PALB2: variants seen among roughly 807,000 people sequenced by gnomAD.
PALB2 encodes the protein partner and localizer of BRCA2.
In PALB2, 82 loss-of-function variants were observed where a neutral mutation model predicts 107.4. The observed-to-expected ratio is 0.76, with a 90% CI of 0.64 to 0.92. The LOEUF (loss-of-function observed/expected upper bound fraction) is 0.92. PALB2 is among the 40% of genes least tolerant of loss of function. The pLI is 0.00. For missense variants in PALB2, 1,374 were observed against 1,379.9 expected (o/e 1.00, Z 0.07); for synonymous variants, 489 against 496.8 (o/e 0.98, Z 0.21).
chr16:23,606,154 C>T (rs908017545), intron 12 of PALB2, among the ~76,000 whole-genome samples: 12 of 151,936 alleles, frequency 7.9e-5, no homozygotes, highest in African/African-American at 2.9e-4. Context: ...CTAGGGCCAA[C>T]GACTATCGTT....
intron 10 of PALB2, among the ~76,000 whole-genome samples, chr16:23,620,241 A>T (rs1362043055): frequency 6.6e-6 from 1 of 152,224 alleles, no homozygotes; most frequent in Non-Finnish European, 1.5e-5. Flanking sequence ...ATGCAGTTTA[A>T]AGGGTCAATC....
At chr16:23,640,725 G>T in intron 1 of PALB2, 1 of 266,262 alleles carries the variant, frequency 3.8e-6, no homozygotes, top group Admixed American at 4.9e-5. Flanking sequence ...TTAGGGATAC[G>T]CCCCTCCTCC....
rs1196162944 is a variant in PALB2 at position 23,638,118 on chromosome 16, T to C, written c.60A>G (p.Lys20=). 1 of 1,614,008 alleles carries C rather than the reference T, an allele frequency of 6.2e-7. No homozygotes were observed. The highest frequency in any genetic ancestry group is 1.7e-5 in the Admixed American group (1 of 60,020). Residue 20 remains lysine, a synonymous_variant, in exon 2 of 13, where the codon AAA becomes AAG. Transcript: ENST00000261584. ...SCEEKEKLKE[K]LAFLKREYSK... The stretch of plus-strand genomic sequence containing the variant: ...TGTATTCCCTTTTCAAGAATGCTAA[T>C]TTCTCCTTTAACTGGAAGAAGAAAA...
Position 23,612,776 on chromosome 16 carries a change from G to A in PALB2, c.3201+1228C>T, listed in dbSNP as rs931961953. Among the ~76,000 whole-genome samples, 5 of 150,568 alleles carry A rather than the reference G, an allele frequency of 3.3e-5. No homozygotes were observed. In the East Asian group the frequency reaches 7.9e-4, roughly 24 times the overall value. On this transcript the variant is annotated intron_variant, in intron 11 of 12. Coordinates refer to ENST00000261584, the MANE Select transcript of PALB2 (RefSeq NM_024675.4). Reference sequence around the variant, plus strand: ...TTTTTTTCTTTTTGTTTTTTGAGACGGAGTCTCGCTCTGTCGCCCAGGCTG... The same window carrying A: ...TTTTTTTCTTTTTGTTTTTTGAGACAGAGTCTCGCTCTGTCGCCCAGGCTG...
Position 23,627,645 on chromosome 16 carries a change from A to T in PALB2, c.2587-1248T>A, listed in dbSNP as rs560853421. On this transcript the variant is annotated intron_variant, in intron 6 of 12. Transcript: ENST00000261584. The stretch of plus-strand genomic sequence containing the variant: ...AAGTAGGAAGGAATGATTTACAGTT[A>T]TCCTGTTTATTATAAAAACAGAAAT... Among the ~76,000 whole-genome samples, 88 of 152,344 alleles carry T rather than the reference A, an allele frequency of 5.8e-4. 1 individual carries two copies. Among genetic ancestry groups the T allele is most frequent in the African/African-American group, 2.1e-3 (87 of 41,588 alleles).
chr16:23,624,548 T>C (rs1174737534), intron 7 of PALB2, among the ~76,000 whole-genome samples: 1 of 152,232 alleles, frequency 6.6e-6, no homozygotes, highest in African/African-American at 2.4e-5. Flanking sequence ...AGTTTCACTC[T>C]TGTTGCCCAG....
At chr16:23,614,651 T>A (rs1410637823) in intron 10 of PALB2, among the ~76,000 whole-genome samples, 1 of 142,664 alleles carries the variant, frequency 7.0e-6, no homozygotes, top group African/African-American at 2.6e-5. Context: ...CCAGCTTTTT[T>A]TTTTTTTTTT....
At chr16:23,628,099 T>G (rs1310587550) in intron 6 of PALB2, among the ~76,000 whole-genome samples, 1 of 152,132 alleles carries the variant, frequency 6.6e-6, no homozygotes, top group Non-Finnish European at 1.5e-5. Context: ...TGGCGCACAC[T>G]TGTAATCCCA....
chr16:23,622,239 A>C (rs1455691598), intron 9 of PALB2, among the ~76,000 whole-genome samples: 1 of 152,240 alleles, frequency 6.6e-6, no homozygotes, highest in African/African-American at 2.4e-5. Flanking sequence ...ATAGGCCTGC[A>C]GGTCTAGAGC....
At chr16:23,633,517 T>C (rs1463952440) in intron 4 of PALB2, among the ~76,000 whole-genome samples, 1 of 152,224 alleles carries the variant, frequency 6.6e-6, no homozygotes, top group East Asian at 1.9e-4. Flanking sequence ...GCTTAGTTCA[T>C]CAGATATGAT....
chr16:23,603,441 T>C lies in PALB2; in HGVS notation c.*18A>G. 1 of 1,597,958 alleles carries C rather than the reference T, an allele frequency of 6.3e-7. No homozygotes were observed. Among genetic ancestry groups the C allele is most frequent in the Non-Finnish European group, 8.6e-7 (1 of 1,165,468 alleles). The stretch of plus-strand genomic sequence containing the variant: ...GGCCCAATATATCCAGAAAATTGTG[T>C]TTTCACTTTACCCTAACTTATGAAT... On this transcript the variant is annotated 3_prime_UTR_variant, in exon 13 of 13. Transcript: ENST00000261584.
chr16:23,614,645 CTTTTT>C (rs1050495053), intron 10 of PALB2, among the ~76,000 whole-genome samples: 1 of 107,150 alleles, frequency 9.3e-6, no homozygotes, highest in African/African-American at 3.8e-5. Flanking sequence ...CACTTCCCAG[CTTTTT>C]TTTTTTTTTT....
rs1160398551 is a variant in PALB2 at position 23,634,855 on chromosome 16, G to C, written c.1684+7C>G. ...TCATCATCATCATCAAACACATCTTGATTTACCTTTCACTTGAATAAATAA... is the reference window on the plus strand; with the variant it reads ...TCATCATCATCATCAAACACATCTTCATTTACCTTTCACTTGAATAAATAA... On this transcript the variant is annotated splice_region_variant and intron_variant, in intron 4 of 12. Transcript: ENST00000261584. The C allele has an allele frequency of 1.2e-6, 2 of 1,610,914 alleles. No homozygotes were observed. The highest frequency in any genetic ancestry group is 2.2e-5 in the South Asian group (2 of 90,706).
rs2142440400 is a variant in PALB2 at position 23,635,985 on chromosome 16, A to T, written c.561T>A (p.Pro187=). 2 of 1,614,186 alleles carry T rather than the reference A, an allele frequency of 1.2e-6. No individual in the cohort carries two copies. Among genetic ancestry groups the T allele is most frequent in the South Asian group, 2.2e-5 (2 of 91,090 alleles). Residue 187 remains proline (P), a synonymous_variant, in exon 4 of 13, where the codon CCT becomes CCA. Coordinates refer to ENST00000261584, the MANE Select transcript of PALB2 (RefSeq NM_024675.4). ...TTATTTCAGTTACTGGTGATCTAGC[A>T]GGATTTTTGCTACTGATTTCTTCCT... ...KEQEEISSKN[P]ARSPVTEIRT...
chr16:23,633,217 T>C (rs1567219911), intron 4 of PALB2, among the ~76,000 whole-genome samples: 3 of 152,262 alleles, frequency 2.0e-5, no homozygotes, highest in Admixed American at 1.3e-4. Flanking sequence ...TTATTATTTT[T>C]GGATTAATTA....
At chr16:23,616,899 A>G (rs898333173) in intron 10 of PALB2, among the ~76,000 whole-genome samples, 2 of 149,572 alleles carry the variant, frequency 1.3e-5, no homozygotes, top group Non-Finnish European at 3.0e-5. Flanking sequence ...TGCAAGCTCC[A>G]CCTCCCGGGT....
intron 9 of PALB2, 131 bp from the exon 10 acceptor site, chr16:23,621,609 C>T: frequency 1.5e-6 from 1 of 675,370 alleles, no homozygotes; most frequent in Non-Finnish European, 2.7e-6. Flanking sequence ...ACCCAGAAAA[C>T]GTGTATACTA....
chr16:23,629,368 T>C (rs970029283), intron 5 of PALB2, 93 bp from the exon 6 acceptor site: 1 of 1,195,250 alleles, frequency 8.4e-7, no homozygotes, highest in African/African-American at 1.5e-5. Context: ...TCGTATTGTC[T>C]TTATTTCCTC....
At chr16:23,636,603 C>G (rs1254207261) in intron 3 of PALB2, among the ~76,000 whole-genome samples, 1 of 152,078 alleles carries the variant, frequency 6.6e-6, no homozygotes, top group East Asian at 1.9e-4. Flanking sequence ...ACTGTACATA[C>G]TCCATACTGT....
Sources: allele counts gnomAD v4.1 joint callset (sites outside exome capture counted in the v4.1 genomes callset), GRCh38; gene constraint gnomAD v4.1.1; transcripts MANE v1.5; gene names NCBI Gene and HGNC (gene_info 2026-07-23, HGNC 2026-07-21).